Variants in RHOXF1 observed in about 807,000 individuals in gnomAD.
RHOXF1 encodes Rhox homeobox family member 1, also known as PEPP subfamily gene 1.
Under a neutral mutation model 9.7 loss-of-function variants are expected in RHOXF1, and 1 was observed. The ratio of observed to expected loss-of-function variants is 0.10; its 90% CI spans 0.04 to 0.49. RHOXF1 has a LOEUF of 0.49. Ranked by LOEUF, RHOXF1 falls within the 20% of genes least tolerant of loss-of-function variation. The pLI is 0.95. For missense variants in RHOXF1, 179 were observed against 168.0 expected (o/e 1.07, Z -0.36); for synonymous variants, 72 against 70.2 (o/e 1.03, Z -0.13).
chrX:120,118,452 A>G (rs1246879062), upstream of RHOXF1, among the ~76,000 whole-genome samples: 1 of 111,642 alleles, frequency 9.0e-6, no homozygotes, highest in Non-Finnish European at 1.9e-5. Context: ...CCAAAGAGCT[A>G]AGTAGGAGGT....
At chrX:120,117,967 A>G (rs1301021383), upstream of RHOXF1, 2 of 111,868 alleles carry the variant, frequency 1.8e-5, no homozygotes, top group Admixed American at 9.5e-5. Flanking sequence ...TGAGAGTTCA[A>G]TGAGGCAAGG....
Position 120,115,848 on chromosome X carries a change from G to A in RHOXF1, c.15C>T (p.Leu5=), listed in dbSNP as rs2057292700. MARS[L]VHDTVFYCLS... is the part of the protein sequence containing the mutation. ...GGCAGTAGAACACGGTGTCGTGGAC[G>A]AGCGAACGCGCCATGGCTGGAGCGC... is the stretch of plus-strand genomic sequence containing the variant. The change falls in exon 1 of 3, where the codon CTC becomes CTT. Residue 5 remains leucine, a synonymous_variant. Coordinates refer to ENST00000217999, the MANE Select transcript of RHOXF1 (RefSeq NM_139282.3). 2.6e-6 allele frequency: 3 copies of A among 1,173,428 alleles called. No individual in the cohort carries two copies. The highest frequency in any genetic ancestry group is 2.4e-5 in the Admixed American group (1 of 42,478).
intron 2 of RHOXF1, among the ~76,000 whole-genome samples, chrX:120,112,434 TATATTATA>T (rs2057270032): frequency 3.5e-5 from 1 of 28,362 alleles, no homozygotes; most frequent in Non-Finnish European, 1.2e-4. Flanking sequence ...ATAATACACA[TATATTATA>T]TATAATACAC....
chrX:120,113,759 C>T (rs1381737473), intron 1 of RHOXF1, among the ~76,000 whole-genome samples: 1 of 108,497 alleles, frequency 9.2e-6, no homozygotes, highest in Non-Finnish European at 1.9e-5. Flanking sequence ...CGTGCCTGGC[C>T]CTAATGCACT....
At chrX:120,113,445 CATT>C (rs1399155143) in intron 1 of RHOXF1, among the ~76,000 whole-genome samples, 1 of 109,486 alleles carries the variant, frequency 9.1e-6, no homozygotes, top group Non-Finnish European at 1.9e-5. Context: ...TAATTTAATG[CATT>C]ATTATTATTT....
chrX:120,113,356 G>T (rs953285681), intron 1 of RHOXF1, among the ~76,000 whole-genome samples: 10 of 110,924 alleles, frequency 9.0e-5, no homozygotes, highest in African/African-American at 2.6e-4. Flanking sequence ...TGGCCAGGCT[G>T]GTCTCGAACT....
chrX:120,113,358 T>C (rs1603390896), intron 1 of RHOXF1, among the ~76,000 whole-genome samples: 1 of 111,014 alleles, frequency 9.0e-6, no homozygotes, highest in East Asian at 2.8e-4. Flanking sequence ...GCCAGGCTGG[T>C]CTCGAACTCC....
At chrX:120,114,135 C>A (rs2147139151) in intron 1 of RHOXF1, among the ~76,000 whole-genome samples, 1 of 110,005 alleles carries the variant, frequency 9.1e-6, no homozygotes, top group South Asian at 3.9e-4. Flanking sequence ...AAAAAACCAA[C>A]CAAACAAACA....
At chrX:120,110,684 CA>C (rs1476589523) in intron 2 of RHOXF1, among the ~76,000 whole-genome samples, 2 of 111,975 alleles carry the variant, frequency 1.8e-5, no homozygotes, top group Non-Finnish European at 3.8e-5. Context: ...AGCAAACAGA[CA>C]AAAAAAGCCT....
At chrX:120,110,478 G>A (rs782083227) in intron 2 of RHOXF1, among the ~76,000 whole-genome samples, 12 of 111,709 alleles carry the variant, frequency 1.1e-4, no homozygotes, top group African/African-American at 3.6e-4. Flanking sequence ...TACAGCTCCA[G>A]GATCCTGGAC....
rs781799657 is a variant in RHOXF1, at chrX:120,112,930, C to T, written c.399-16G>A. The T allele has an allele frequency of 3.1e-5, 35 of 1,127,488 alleles. No individual in the cohort carries two copies. The Admixed American group carries it at 7.7e-4, about 25-fold the overall frequency. 92.9% of individuals were successfully genotyped at this position (1,127,488 alleles called of 1,213,427 possible). A position where few individuals can be genotyped will look rare whatever the true frequency, so the allele number is the denominator to read the frequency against. On this transcript the variant is annotated splice_polypyrimidine_tract_variant and intron_variant, in intron 1 of 2. Transcript: ENST00000217999. ...AAGTTCCCTTCTGTGGAGAGAAGAT[C>T]ACACATGGTTAGTATTCAAAGTTGT...
chrX:120,115,403 A>G (rs2057288921), intron 1 of RHOXF1, 62 bp downstream of exon 1: 3 of 927,212 alleles, frequency 3.2e-6, no homozygotes, highest in Non-Finnish European at 4.2e-6. Context: ...GGGGCAAGGG[A>G]GAGAAAAAGA....
upstream of RHOXF1, chrX:120,115,997 A>T: frequency 8.8e-6 from 2 of 226,047 alleles, no homozygotes; most frequent in South Asian, 3.1e-4. Context: ...TTATGCGCAC[A>T]AGCAAGAGAG....
chrX:120,111,281 C>CA (rs1296327008), intron 2 of RHOXF1, among the ~76,000 whole-genome samples: 1 of 111,356 alleles, frequency 9.0e-6, no homozygotes, highest in African/African-American at 3.3e-5. Context: ...AACCTCTTTT[C>CA]AACTTCTCCA....
At position 120,115,676 on chromosome X, in the gene RHOXF1, C is replaced by T. The variant is rs1556000460; in HGVS notation, c.187G>A (p.Asp63Asn). 3.3e-6 allele frequency: 4 copies of T among 1,199,337 alleles called. No individual in the cohort carries two copies. The African/African-American group carries it at 5.3e-5, about 16-fold the overall frequency. Residue 63 changes from aspartate to asparagine, a missense_variant, in exon 1 of 3, where the codon GAT (aspartate) becomes AAT (asparagine). Coordinates refer to ENST00000217999, the MANE Select transcript of RHOXF1 (RefSeq NM_139282.3). The part of the protein sequence containing the change: ...GVNHENGMNR[D>N]GGMIPEGGGG... ...CCGCCCTCGGGGATCATGCCGCCAT[C>T]GCGGTTCATGCCGTTCTCGTGGTTC...
Position 120,109,233 on chromosome X carries a change from G to T in RHOXF1, c.514C>A (p.Arg172Ser). The change falls in exon 3 of 3, where the codon CGT becomes AGT. Residue 172 changes from arginine (R) to serine (S), a missense_variant. Transcript: ENST00000217999. Reference protein sequence around the residue: ...QRELMLANELRADPDDCVYIV... With the variant: ...QRELMLANELSADPDDCVYIV... Reference sequence around the variant, plus strand: ...TAGACACAGTCGTCTGGGTCAGCACGTAGTTCATTGGCGAGCATTAATTCT... The same window carrying T: ...TAGACACAGTCGTCTGGGTCAGCACTTAGTTCATTGGCGAGCATTAATTCT... 8.3e-7 allele frequency: 1 copy of T among 1,197,930 alleles called. No homozygotes were observed. The highest frequency in any genetic ancestry group is 1.1e-6 in the Non-Finnish European group (1 of 885,245).
chrX:120,119,932 A>G (rs782537036), upstream of RHOXF1, among the ~76,000 whole-genome samples: 12 of 111,639 alleles, frequency 1.1e-4, no homozygotes, highest in African/African-American at 3.6e-4. Context: ...ACTAAGCCCA[A>G]TGACACCCTT....
chrX:120,112,455 A>G (rs1339793489), intron 2 of RHOXF1, among the ~76,000 whole-genome samples: 7 of 1,962 alleles, frequency 3.6e-3, no homozygotes, highest in African/African-American at 5.5e-3. Context: ...TAATACACAT[A>G]TGTATAATAT....
rs528707154 is a variant in RHOXF1, at chrX:120,109,128, G to A, written c.*64C>T. The A allele has an allele frequency of 1.1e-5, 8 of 705,466 alleles. No individual in the cohort carries two copies. In the East Asian group the frequency reaches 1.6e-4, roughly 14 times the overall value. The allele number at this position is 705,466 out of a possible 1,213,427, so 58.1% of individuals were successfully genotyped here. ...AGCCTGAGCGGCATGGGCAGCCCAG[G>A]TGTCAGTGGCACCAGAAAAACCCAT... On this transcript the variant is annotated 3_prime_UTR_variant, in exon 3 of 3. Coordinates refer to ENST00000217999, the MANE Select transcript of RHOXF1 (RefSeq NM_139282.3).
Sources: allele counts gnomAD v4.1 joint callset (sites outside exome capture counted in the v4.1 genomes callset), GRCh38; gene constraint gnomAD v4.1.1; transcripts MANE v1.5; gene names NCBI Gene and HGNC (gene_info 2026-07-23, HGNC 2026-07-21).